Variants in IPO5 observed in about 807,000 individuals in gnomAD.
The protein encoded by IPO5 is importin 5.
Under a neutral mutation model 143.3 loss-of-function variants are expected in IPO5, and 18 were observed. That is an observed-to-expected ratio of 0.13 (90% CI 0.09 to 0.19). The LOEUF (loss-of-function observed/expected upper bound fraction) is 0.19. Among genes scored for constraint, IPO5 ranks in the 10% least tolerant of loss-of-function variants. The pLI, the probability that IPO5 is intolerant of heterozygous loss-of-function variation, is 1.00. For missense variants in IPO5, 1,013 were observed against 1,336.9 expected (o/e 0.76, Z 3.78); for synonymous variants, 477 against 465.7 (o/e 1.02, Z -0.31).
In IPO5 at chr13:97,976,589, C is replaced by G. The variant is rs1886341884; in HGVS notation, c.-4-104C>G. On this transcript the variant is annotated intron_variant, in intron 3 of 28. Transcript: ENST00000651721. ...CGGCCCCCCGCAAGCCCCGCGCCGC[C>G]GCTGGTGCCGGTCCCCGCGCTGGGC... 3.3e-5 allele frequency: 8 copies of G among 245,264 alleles called. 1 individual carries two copies. The South Asian group carries it at 9.9e-4, about 30-fold the overall frequency. 15.2% of individuals were successfully genotyped at this position (245,264 alleles called of 1,614,324 possible). A position where few individuals can be genotyped will look rare whatever the true frequency, so the allele number is the denominator to read the frequency against.
chr13:98,000,751 C>T (rs1324583962), intron 13 of IPO5, 106 bp downstream of exon 13: 11 of 740,674 alleles, frequency 1.5e-5, no homozygotes, highest in Non-Finnish European at 2.3e-5. Flanking sequence ...GTCTTTTTAT[C>T]ATCCATATTT....
intron 2 of IPO5, among the ~76,000 whole-genome samples, chr13:97,956,691 T>C (rs905395051): frequency 1.3e-5 from 2 of 152,200 alleles, no homozygotes; most frequent in Admixed American, 6.5e-5. Context: ...TAAATAGTCC[T>C]CTTGTTAGAA....
At position 98,021,118 on chromosome 13, in the gene IPO5, C is replaced by T. The variant is rs1165490889; in HGVS notation, c.3192C>T (p.Val1064=). 5.6e-6 allele frequency: 9 copies of T among 1,604,658 alleles called. No homozygotes were observed. The highest frequency in any genetic ancestry group is 2.3e-5 in the East Asian group (1 of 43,986). The change falls in exon 28 of 29, where the codon GTC becomes GTT. Residue 1064 remains valine, a synonymous_variant. Transcript: ENST00000651721. ...CTTGTGCCAAACGTCTGGCCAATGT[C>T]GTTCGCCAAGTACAGGTAAGCTGAT... is the stretch of plus-strand genomic sequence containing the variant. ...EDPCAKRLAN[V]VRQVQTSGGL... is the part of the protein sequence containing the mutation.
chr13:98,005,048 C>T (rs1889103089), intron 16 of IPO5, among the ~76,000 whole-genome samples: 1 of 152,016 alleles, frequency 6.6e-6, no homozygotes, highest in Non-Finnish European at 1.5e-5. Flanking sequence ...GACGTGCACC[C>T]ACCACACCCG....
At chr13:97,985,664 T>C (rs1426532738) in intron 6 of IPO5, 51 bp downstream of exon 6, 3 of 58,684 alleles carry the variant, frequency 5.1e-5, no homozygotes, top group Non-Finnish European at 9.2e-5. Flanking sequence ...ATATCCTTCC[T>C]TTTTTTTTTT....
At chr13:97,959,501 G>A (rs1044480818) in intron 2 of IPO5, among the ~76,000 whole-genome samples, 7 of 151,964 alleles carry the variant, frequency 4.6e-5, no homozygotes, top group Non-Finnish European at 7.4e-5. Flanking sequence ...AGGCCGAGGC[G>A]GGTGGGTCAC....
intron 2 of IPO5, among the ~76,000 whole-genome samples, chr13:97,959,606 C>T (rs1018036048): frequency 7.9e-5 from 12 of 151,918 alleles, no homozygotes; most frequent in Admixed American, 6.6e-4. Context: ...TGGTGGCGGG[C>T]GCCTATAGTC....
At chr13:97,973,091 G>A (rs964767169) in intron 3 of IPO5, among the ~76,000 whole-genome samples, 3 of 121,474 alleles carry the variant, frequency 2.5e-5, no homozygotes, top group African/African-American at 9.4e-5. Flanking sequence ...CACCCATGCT[G>A]TAGTGCAGTG....
intron 3 of IPO5, among the ~76,000 whole-genome samples, chr13:97,972,906 TAA>T (rs1293663607): frequency 6.6e-6 from 1 of 152,106 alleles, no homozygotes; most frequent in Non-Finnish European, 1.5e-5. Context: ...AGTAAGAGAC[TAA>T]AGATACAAAT....
chr13:97,956,119 G>A (rs182724170), intron 2 of IPO5, among the ~76,000 whole-genome samples: 3 of 142,872 alleles, frequency 2.1e-5, no homozygotes, highest in East Asian at 2.0e-4. Context: ...GCGACAGTGC[G>A]AGACTCCGTG....
At chr13:98,017,107 T>A (rs1890166848) in intron 25 of IPO5, among the ~76,000 whole-genome samples, 1 of 152,130 alleles carries the variant, frequency 6.6e-6, no homozygotes, top group Admixed American at 6.5e-5. Context: ...TGATTTTTTT[T>A]ATTATTTCAG....
chr13:97,964,457 T>G (rs1459005390), intron 2 of IPO5, among the ~76,000 whole-genome samples: 1 of 144,454 alleles, frequency 6.9e-6, no homozygotes, highest in Non-Finnish European at 1.5e-5. Flanking sequence ...TTTTTTTTTT[T>G]TTTTTTTGGA....
Position 97,976,811 on chromosome 13 carries a change from T to C in IPO5, c.90+25T>C, listed in dbSNP as rs201683866. On this transcript the variant is annotated intron_variant, in intron 4 of 28. Coordinates refer to ENST00000651721, the MANE Select transcript of IPO5 (RefSeq NM_002271.6). ...GGTAACCGAGTTCGCCGCCCCAGTC[T>C]TCGCGCCCTGGCCGGCGCGCCGACC... is the stretch of plus-strand genomic sequence containing the variant. 4.9e-4 allele frequency: 549 copies of C among 1,130,398 alleles called. 2 individuals are homozygous for C. Among genetic ancestry groups the C allele is most frequent in the South Asian group, 7.8e-4 (55 of 70,854 alleles). The allele number at this position is 1,130,398 out of a possible 1,614,324, so 70.0% of individuals were successfully genotyped here.
chr13:97,981,166 T>C (rs1886813088), intron 4 of IPO5: 1 of 431,360 alleles, frequency 2.3e-6, no homozygotes, highest in African/African-American at 2.1e-5. Context: ...TCCTATGTGC[T>C]TTTTACTAGA....
At chr13:97,988,951 C>G in intron 6 of IPO5, 111 bp from the exon 7 acceptor site, 1 of 513,300 alleles carries the variant, frequency 1.9e-6, no homozygotes, top group Non-Finnish European at 3.5e-6. Context: ...GCAAAAGTGA[C>G]ATTTTTCACT....
intron 3 of IPO5, among the ~76,000 whole-genome samples, chr13:97,972,734 G>A (rs1346803863): frequency 1.3e-5 from 2 of 152,112 alleles, no homozygotes; most frequent in Admixed American, 6.5e-5. Flanking sequence ...CAGCGAATAC[G>A]GAGTAAGCAA....
chr13:97,992,801 T>C (rs1013812456), intron 9 of IPO5, 91 bp from the exon 10 acceptor site: 1 of 1,288,738 alleles, frequency 7.8e-7, no homozygotes, highest in Non-Finnish European at 1.1e-6. Context: ...TTAGTAATAT[T>C]TCTCTATTGT....
Position 98,010,227 on chromosome 13 carries a change from AAG to A in IPO5, c.2055+8_2055+9del. ...AATCAACTGCTTGCCAGATGTTGGT[AAG>A]AGAGCACTGTTTTTACTAAACTTTT... On this transcript the variant is annotated splice_donor_5th_base_variant and intron_variant, in intron 20 of 28. Coordinates refer to ENST00000651721, the MANE Select transcript of IPO5 (RefSeq NM_002271.6). 1.1e-5 allele frequency: 17 copies of A among 1,612,520 alleles called. No individual in the cohort carries two copies. Among genetic ancestry groups the A allele is most frequent in the East Asian group, 2.2e-5 (1 of 44,864 alleles).
chr13:97,984,945 G>C (rs115787195), intron 5 of IPO5, among the ~76,000 whole-genome samples: 1 of 151,116 alleles, frequency 6.6e-6, no homozygotes, highest in South Asian at 2.1e-4. Context: ...TCGGGAACTC[G>C]TAATGTTTGT....
Sources: allele counts gnomAD v4.1 joint callset (sites outside exome capture counted in the v4.1 genomes callset), GRCh38; gene constraint gnomAD v4.1.1; transcripts MANE v1.5; gene names NCBI Gene and HGNC (gene_info 2026-07-23, HGNC 2026-07-21).